PHTF1: variants seen among roughly 807,000 people sequenced by gnomAD.
PHTF1 encodes putative homeodomain transcription factor 1, also known as protein PHTF1.
Under a neutral mutation model 102.4 loss-of-function variants are expected in PHTF1, and 88 were observed. The ratio of observed to expected loss-of-function variants is 0.86; its 90% CI spans 0.72 to 1.03. The LOEUF (loss-of-function observed/expected upper bound fraction) is 1.03, where lower values mean the gene tolerates loss of function less well. PHTF1 is among the 50% of genes least tolerant of loss of function. The probability of loss-of-function intolerance (pLI) is 0.00; values close to 1 mark genes in which losing one functional copy is unlikely to be tolerated. For missense variants in PHTF1, 814 were observed against 909.5 expected, an observed-to-expected ratio of 0.89 and a Z score of 1.35; for synonymous variants, 289 against 305.2, an observed-to-expected ratio of 0.95 and a Z score of 0.55.
chr1:113,749,534 G>C (rs1571246850), intron 3 of PHTF1: 1 of 152,170 alleles, frequency 6.6e-6, no homozygotes, highest in African/African-American at 2.4e-5. Flanking sequence ...TGGTCTTCCA[G>C]AATCCAGAAC....
intron 2 of PHTF1, 109 bp from the exon 3 acceptor site, chr1:113,757,864 G>A (rs1307845315): frequency 4.3e-6 from 3 of 696,106 alleles, no homozygotes; most frequent in South Asian, 1.6e-5. Context: ...ATGCTATGTG[G>A]AAAATATGCT....
At chr1:113,754,197 G>T (rs1658516075) in intron 3 of PHTF1, among the ~76,000 whole-genome samples, 1 of 152,158 alleles carries the variant, frequency 6.6e-6, no homozygotes, top group Non-Finnish European at 1.5e-5. Flanking sequence ...CACTGCTTGA[G>T]CTCAGGAATT....
upstream of PHTF1, among the ~76,000 whole-genome samples, chr1:113,759,680 C>G (rs996156419): frequency 6.6e-6 from 1 of 152,242 alleles, no homozygotes; most frequent in African/African-American, 2.4e-5. Flanking sequence ...TCAGATCACC[C>G]TTCAGGCCTC....
At chr1:113,732,512 T>C (rs1403658046) in intron 5 of PHTF1, among the ~76,000 whole-genome samples, 1 of 151,862 alleles carries the variant, frequency 6.6e-6, no homozygotes, top group Non-Finnish European at 1.5e-5. Context: ...AAAAAAACAA[T>C]TTTCCTGCTC....
At chr1:113,745,147 GT>G (rs1208277156) in intron 3 of PHTF1, among the ~76,000 whole-genome samples, 2 of 152,104 alleles carry the variant, frequency 1.3e-5, no homozygotes, top group Admixed American at 1.3e-4. Flanking sequence ...CAGAATGGAA[GT>G]GAAAAGAGGT....
intron 3 of PHTF1, among the ~76,000 whole-genome samples, chr1:113,743,127 C>G (rs1656680074): frequency 6.6e-6 from 1 of 152,168 alleles, no homozygotes; most frequent in South Asian, 2.1e-4. Context: ...TCTATGATAA[C>G]TTAACCTTAG....
chr1:113,756,016 G>A (rs1391791297), intron 3 of PHTF1, among the ~76,000 whole-genome samples: 8 of 149,858 alleles, frequency 5.3e-5, no homozygotes, highest in Middle Eastern at 3.4e-3. Context: ...GCAGTGAGCC[G>A]AGATCGCTCC....
intron 8 of PHTF1, 87 bp from the exon 9 acceptor site, chr1:113,712,200 A>G: frequency 9.6e-7 from 1 of 1,041,368 alleles, no homozygotes; most frequent in Non-Finnish European, 1.4e-6. Flanking sequence ...AAAATCATAC[A>G]AAAACTACCA....
chr1:113,726,513 G>A lies in PHTF1; in HGVS notation c.393C>T (p.Pro131=), dbSNP rs1169335551. ...PIVNISEVLG[P]LCLMLLMGTV... is the part of the protein sequence containing the mutation. The stretch of plus-strand genomic sequence containing the variant: ...TTCCCATGAGTAGCATAAGGCACAA[G>A]GGTCCAAGTACTTCACTTATGTTCA... Residue 131 remains proline (P), a synonymous_variant, in exon 6 of 19, where the codon CCC becomes CCT. Coordinates refer to ENST00000369604, the MANE Select transcript of PHTF1 (RefSeq NM_001323043.2). The A allele has an allele frequency of 1.2e-6, 2 of 1,608,380 alleles. No homozygotes were observed. Among genetic ancestry groups the A allele is most frequent in the Non-Finnish European group, 8.5e-7 (1 of 1,175,814 alleles).
In PHTF1 at chr1:113,726,420, T is replaced by C. The variant is rs781076832; in HGVS notation, c.486A>G (p.Arg162=). ...RPSGNNGNRR[R]RKLRKTVNGD... is the part of the protein sequence containing the mutation. ...TACAGTGTAATTTCTCATCTTACCT[T>C]CTTCTTCGATTTCCATTGTTTCCTG... The change falls in exon 6 of 19, where the codon AGA becomes AGG. Residue 162 remains arginine, a splice_region_variant and synonymous_variant. Coordinates refer to ENST00000369604, the MANE Select transcript of PHTF1 (RefSeq NM_001323043.2). 1 of 1,603,344 alleles carries C rather than the reference T, an allele frequency of 6.2e-7. No individual in the cohort carries two copies.
intron 3 of PHTF1, chr1:113,749,714 A>C (rs1571247423): frequency 6.6e-6 from 1 of 152,224 alleles, no homozygotes; most frequent in South Asian, 2.1e-4. Flanking sequence ...ACTCCTACAG[A>C]TTATACCTGA....
chr1:113,699,003 G>A (rs1405509147), intron 17 of PHTF1: 3 of 160,476 alleles, frequency 1.9e-5, no homozygotes, highest in Non-Finnish European at 1.3e-5. Flanking sequence ...AGAGGTTGGG[G>A]GTGAAATAGC....
chr1:113,743,337 A>T (rs1207934535), intron 3 of PHTF1, among the ~76,000 whole-genome samples: 1 of 151,820 alleles, frequency 6.6e-6, no homozygotes, highest in Non-Finnish European at 1.5e-5. Flanking sequence ...TCCCACCTCC[A>T]TATCTTGTCC....
chr1:113,711,685 A>G (rs1434655258), intron 10 of PHTF1, 61 bp downstream of exon 10: 16 of 1,275,786 alleles, frequency 1.3e-5, no homozygotes, highest in Non-Finnish European at 1.8e-5. Context: ...CAATAAAAAA[A>G]GGAATGGATA....
intron 16 of PHTF1, 113 bp downstream of exon 16, chr1:113,700,681 T>C (rs993503651): frequency 2.3e-5 from 21 of 931,626 alleles, no homozygotes; most frequent in Non-Finnish European, 3.4e-5. Flanking sequence ...TGAGGTCCTG[T>C]AGCTAGAAAG....
At chr1:113,721,847 G>C (rs1044694784) in intron 7 of PHTF1, among the ~76,000 whole-genome samples, 1 of 151,586 alleles carries the variant, frequency 6.6e-6, no homozygotes, top group South Asian at 2.1e-4. Context: ...CCGCCACCAC[G>C]CCCGGCTAAT....
chr1:113,756,420 G>C (rs1262733859), intron 3 of PHTF1, among the ~76,000 whole-genome samples: 1 of 152,070 alleles, frequency 6.6e-6, no homozygotes, highest in African/African-American at 2.4e-5. Flanking sequence ...TATTCACCCA[G>C]TTTTTTTAAG....
rs544936197 is a variant in PHTF1 at position 113,713,191 on chromosome 1, A to G, written c.783+88T>C. 12 of 1,134,554 alleles carry G rather than the reference A, an allele frequency of 1.1e-5. No individual in the cohort carries two copies. In the South Asian group the frequency reaches 1.6e-4, roughly 15 times the overall value. The allele number at this position is 1,134,554 out of a possible 1,614,324, so 70.3% of individuals were successfully genotyped here. A position where few individuals can be genotyped will look rare whatever the true frequency, so the allele number is the denominator to read the frequency against. ...GTTAGGACAAATTTATAAACCTACT[A>G]GTACCTATTTTATATCTCTAACAGA... On this transcript the variant is annotated intron_variant, in intron 8 of 18. Coordinates refer to ENST00000369604, the MANE Select transcript of PHTF1 (RefSeq NM_001323043.2).
intron 14 of PHTF1, 50 bp downstream of exon 14, chr1:113,704,616 C>A: frequency 7.2e-7 from 1 of 1,395,006 alleles, no homozygotes; most frequent in Non-Finnish European, 9.8e-7. Context: ...CCAGGAGCTT[C>A]AGTGAGCATA....
Sources: gnomAD v4.1 joint callset for allele counts (sites outside exome capture counted in the v4.1 genomes callset) on GRCh38, gnomAD v4.1.1 for gene constraint, MANE v1.5 for transcripts, NCBI Gene and HGNC (gene_info 2026-07-23, HGNC 2026-07-21) for gene names.